The following PITPNC1 variants were observed in gnomAD, a reference collection of about 807,000 sequenced individuals.
PITPNC1 encodes the protein cytoplasmic phosphatidylinositol transfer protein 1.
In PITPNC1, 18 loss-of-function variants were observed where a neutral mutation model predicts 44.7. The ratio of observed to expected loss-of-function variants is 0.40; its 90% CI spans 0.28 to 0.60. The LOEUF (loss-of-function observed/expected upper bound fraction) is 0.60, where lower values mean the gene tolerates loss of function less well. PITPNC1 is among the 20% of genes least tolerant of loss of function. The pLI is 0.39. For synonymous variants in PITPNC1, 141 were observed against 149.6 expected, an observed-to-expected ratio of 0.94 and a Z score of 0.42; for missense variants, 290 against 418.4, an observed-to-expected ratio of 0.69 and a Z score of 2.68.
chr17:67,529,408 G>C (rs2040432250), intron 1 of PITPNC1, among the ~76,000 whole-genome samples: 1 of 152,192 alleles, frequency 6.6e-6, no homozygotes, highest in Non-Finnish European at 1.5e-5. Context: ...GCAGTACTTT[G>C]GTTTAGAGGT....
At chr17:67,404,601 C>CA (rs2038369342) in intron 1 of PITPNC1, among the ~76,000 whole-genome samples, 1 of 152,322 alleles carries the variant, frequency 6.6e-6, no homozygotes, top group South Asian at 2.1e-4. Context: ...TCTAAACCTG[C>CA]ATCCATCCTG....
At position 67,379,438 on chromosome 17, in the gene PITPNC1, T is replaced by G. The variant is rs1356595194; in HGVS notation, c.48+1236T>G. 24 of 897,780 alleles carry G rather than the reference T, an allele frequency of 2.7e-5. No homozygotes were observed. In the South Asian group the frequency reaches 7.2e-4, roughly 27 times the overall value. The allele number at this position is 897,780 out of a possible 1,614,324, so 55.6% of individuals were successfully genotyped here. ...AAGACAAGATCAAAGTAGCTGCAAG[T>G]TTACAAAACGCATCACGGGGACACA... On this transcript the variant is annotated intron_variant, in intron 1 of 8. Coordinates refer to ENST00000581322, the MANE Select transcript of PITPNC1 (RefSeq NM_012417.4).
intron 6 of PITPNC1, among the ~76,000 whole-genome samples, chr17:67,659,312 G>T (rs2042310591): frequency 6.6e-6 from 1 of 152,178 alleles, no homozygotes; most frequent in Non-Finnish European, 1.5e-5. Flanking sequence ...TGCTCTTCAT[G>T]ATGTGAGCTT....
At chr17:67,479,332 A>G (rs536368843) in intron 1 of PITPNC1, among the ~76,000 whole-genome samples, 1 of 152,352 alleles carries the variant, frequency 6.6e-6, no homozygotes, top group Non-Finnish European at 1.5e-5. Context: ...GCAGCTGCCC[A>G]TGAGGAACAG....
At chr17:67,612,480 A>G (rs1178583153) in intron 5 of PITPNC1, 3 of 152,302 alleles carry the variant, frequency 2.0e-5, no homozygotes, top group African/African-American at 7.2e-5. Context: ...AGGTGATGAA[A>G]TGGAGGCCTG....
chr17:67,492,303 G>A (rs114321817), intron 1 of PITPNC1, among the ~76,000 whole-genome samples: 183 of 152,192 alleles, frequency 1.2e-3, no homozygotes, highest in African/African-American at 4.2e-3. Context: ...TACCTAAGTG[G>A]ACCCTAAATC....
intron 1 of PITPNC1, among the ~76,000 whole-genome samples, chr17:67,505,719 C>A (rs1042873739): frequency 6.6e-6 from 1 of 152,132 alleles, no homozygotes; most frequent in Non-Finnish European, 1.5e-5. Context: ...TCATGATCCA[C>A]CCACCTTGGC....
chr17:67,660,862 CTT>C (rs141244732), intron 6 of PITPNC1, among the ~76,000 whole-genome samples: 8 of 111,776 alleles, frequency 7.2e-5, no homozygotes, highest in Non-Finnish European at 9.5e-5. Flanking sequence ...ATCACATTCT[CTT>C]TTTTTTTTTT....
At chr17:67,497,501 A>G (rs2039968934) in intron 1 of PITPNC1, among the ~76,000 whole-genome samples, 1 of 145,250 alleles carries the variant, frequency 6.9e-6, no homozygotes, top group Non-Finnish European at 1.5e-5. Context: ...AGTAAGATAA[A>G]CCTGTGTCTC....
chr17:67,468,706 T>C (rs1264338557), intron 1 of PITPNC1, among the ~76,000 whole-genome samples: 2 of 147,358 alleles, frequency 1.4e-5, no homozygotes, highest in Non-Finnish European at 3.0e-5. Context: ...CCTGGCCGCT[T>C]TTTTTTTTGA....
At chr17:67,663,506 C>T (rs1241606067) in intron 6 of PITPNC1, among the ~76,000 whole-genome samples, 1 of 149,934 alleles carries the variant, frequency 6.7e-6, no homozygotes, top group Non-Finnish European at 1.5e-5. Flanking sequence ...GGAGGCGGAG[C>T]TTACAGTGAG....
chr17:67,441,612 C>G (rs1420948322), intron 1 of PITPNC1, among the ~76,000 whole-genome samples: 1 of 152,160 alleles, frequency 6.6e-6, no homozygotes, highest in Non-Finnish European at 1.5e-5. Context: ...CTAATCCGAT[C>G]ACAGCTGTAA....
chr17:67,605,779 G>T (rs1467909296), intron 5 of PITPNC1, among the ~76,000 whole-genome samples: 2 of 152,166 alleles, frequency 1.3e-5, no homozygotes, highest in Admixed American at 6.6e-5. Context: ...ATCAAGTGAA[G>T]CCAGTAAACA....
chr17:67,414,817 C>T (rs1052339707), intron 1 of PITPNC1, among the ~76,000 whole-genome samples: 1 of 152,136 alleles, frequency 6.6e-6, no homozygotes, highest in South Asian at 2.1e-4. Context: ...TTGAAATACT[C>T]ATCAGTTTCT....
intron 1 of PITPNC1, among the ~76,000 whole-genome samples, chr17:67,513,457 ATATAC>A (rs1409351338): frequency 4.8e-5 from 7 of 144,518 alleles, no homozygotes; most frequent in Non-Finnish European, 7.5e-5. Flanking sequence ...GTATATATAC[ATATAC>A]TATATTTTTA....
intron 1 of PITPNC1, among the ~76,000 whole-genome samples, chr17:67,469,793 A>G (rs2039487696): frequency 6.6e-6 from 1 of 152,210 alleles, no homozygotes; most frequent in African/African-American, 2.4e-5. Flanking sequence ...CAAGAGGAAG[A>G]AGGAAATTCA....
chr17:67,529,733 G>A (rs1346312448), intron 1 of PITPNC1, among the ~76,000 whole-genome samples: 1 of 152,128 alleles, frequency 6.6e-6, no homozygotes, highest in Non-Finnish European at 1.5e-5. Context: ...GATCATTTGA[G>A]GTCAGGAGTT....
chr17:67,630,091 C>T (rs973908448), intron 5 of PITPNC1, among the ~76,000 whole-genome samples: 4 of 152,164 alleles, frequency 2.6e-5, no homozygotes, highest in Non-Finnish European at 5.9e-5. Flanking sequence ...ATGAGTTGAG[C>T]CTATAAAGAG....
At chr17:67,647,464 G>GTTTTTTTTGTTTTTTTTT (rs2042162118) in intron 6 of PITPNC1, among the ~76,000 whole-genome samples, 32 of 72,366 alleles carry the variant, frequency 4.4e-4, no homozygotes, top group African/African-American at 1.4e-3. Context: ...CTAATTTTGG[G>GTTTTTTTTGTTTTTTTTT]TTTTTTTTTT....
Sources: gnomAD v4.1 joint callset for allele counts (sites outside exome capture counted in the v4.1 genomes callset) on GRCh38, gnomAD v4.1.1 for gene constraint, MANE v1.5 for transcripts, NCBI Gene and HGNC (gene_info 2026-07-23, HGNC 2026-07-21) for gene names.